Variants in CADPS2 observed in about 807,000 individuals in gnomAD.
CADPS2 encodes calcium dependent secretion activator 2.
A neutral mutation model predicts 172.5 loss-of-function variants in CADPS2; 93 were observed. That is an observed-to-expected ratio of 0.54 (90% CI 0.46 to 0.64). The LOEUF is 0.64. Among genes scored for constraint, CADPS2 ranks in the 30% least tolerant of loss-of-function variants. CADPS2 has a pLI of 0.00. For missense variants in CADPS2, 1,420 were observed against 1,565.9 expected (o/e 0.91, Z 1.57); for synonymous variants, 546 against 555.2 (o/e 0.98, Z 0.23).
intron 1 of CADPS2, among the ~76,000 whole-genome samples, chr7:122,815,317 G>T (rs17144945): frequency 0.2 from 30,177 of 151,988 alleles, 3,121 homozygotes; most frequent in Middle Eastern, 0.3. Context: ...CTTCTGGCAA[G>T]AAATGTGCCT....
At chr7:122,344,316 A>G (rs890704320) in intron 28 of CADPS2, among the ~76,000 whole-genome samples, 2 of 152,240 alleles carry the variant, frequency 1.3e-5, no homozygotes, top group Non-Finnish European at 2.9e-5. Context: ...AGGAATCTGT[A>G]TTGTGGTGAA....
At chr7:122,731,653 A>G (rs9969220) in intron 2 of CADPS2, among the ~76,000 whole-genome samples, 50,883 of 146,214 alleles carry the variant, frequency 0.35, 9,369 homozygotes, top group East Asian at 0.68. Flanking sequence ...GTGCTTAAAG[A>G]AAAAAAAAAG....
chr7:122,462,428 G>T (rs2054567129), intron 14 of CADPS2, among the ~76,000 whole-genome samples: 1 of 151,878 alleles, frequency 6.6e-6, no homozygotes, highest in Non-Finnish European at 1.5e-5. Flanking sequence ...CCAATAAAAA[G>T]TTTATAGAAC....
intron 25 of CADPS2, among the ~76,000 whole-genome samples, chr7:122,367,764 G>A (rs2041166189): frequency 8.7e-6 from 1 of 114,424 alleles, no homozygotes; most frequent in Non-Finnish European, 1.7e-5. Context: ...AGTTTATTAT[G>A]GTATAGTTCT....
intron 2 of CADPS2, among the ~76,000 whole-genome samples, chr7:122,683,740 AT>A (rs1232573974): frequency 1.2e-5 from 1 of 84,334 alleles, no homozygotes; most frequent in Non-Finnish European, 3.0e-5. Flanking sequence ...TATAATGTTA[AT>A]GAAGAAAAAA....
intron 13 of CADPS2, among the ~76,000 whole-genome samples, chr7:122,472,999 A>G (rs1367276025): frequency 1.3e-5 from 2 of 152,162 alleles, no homozygotes; most frequent in African/African-American, 4.8e-5. Flanking sequence ...CAAAAGTCCC[A>G]GACCTGGGAA....
chr7:122,697,190 T>C (rs554220409), intron 2 of CADPS2, among the ~76,000 whole-genome samples: 11 of 152,218 alleles, frequency 7.2e-5, no homozygotes, highest in South Asian at 2.1e-4. Flanking sequence ...AATTTCACTA[T>C]ACAGATGCAT....
At chr7:122,738,567 G>A (rs1036569668) in intron 1 of CADPS2, among the ~76,000 whole-genome samples, 1 of 152,022 alleles carries the variant, frequency 6.6e-6, no homozygotes, top group African/African-American at 2.4e-5. Context: ...ATCTACAGAG[G>A]GATGTGAAGC....
intron 7 of CADPS2, among the ~76,000 whole-genome samples, chr7:122,568,494 T>C (rs964269011): frequency 6.6e-6 from 1 of 152,056 alleles, no homozygotes; most frequent in Non-Finnish European, 1.5e-5. Context: ...AGCTATATAA[T>C]ATAATATTTA....
In CADPS2 at chr7:122,386,887, T is replaced by G. The variant is rs891577848; in HGVS notation, c.3312+139A>C. On this transcript the variant is annotated intron_variant, in intron 24 of 29. Coordinates refer to ENST00000449022, the MANE Select transcript of CADPS2 (RefSeq NM_017954.11). ...TGAGCAAAGGATAAAGGGCATTCTG[T>G]TATTATAGTAAAGATCAAACGTTTG... is the stretch of plus-strand genomic sequence containing the variant. 33 of 802,876 alleles carry G rather than the reference T, an allele frequency of 4.1e-5. No individual in the cohort carries two copies. The South Asian group carries it at 5.3e-4, about 13-fold the overall frequency. 49.7% of individuals were successfully genotyped at this position (802,876 alleles called of 1,614,324 possible). A position where few individuals can be genotyped will look rare whatever the true frequency, so the allele number is the denominator to read the frequency against.
intron 20 of CADPS2, among the ~76,000 whole-genome samples, chr7:122,401,228 G>A (rs1416310596): frequency 2.0e-5 from 3 of 151,954 alleles, no homozygotes; most frequent in Admixed American, 6.5e-5. Context: ...TTTATTATTC[G>A]TTTAGGCAGA....
At chr7:122,671,581 C>G (rs1588296014) in intron 2 of CADPS2, among the ~76,000 whole-genome samples, 1 of 152,070 alleles carries the variant, frequency 6.6e-6, no homozygotes, top group Admixed American at 6.6e-5. Flanking sequence ...AAAACTACTA[C>G]TACTACTAAA....
At chr7:122,348,671 A>G (rs2038057022) in intron 27 of CADPS2, among the ~76,000 whole-genome samples, 1 of 152,212 alleles carries the variant, frequency 6.6e-6, no homozygotes, top group Non-Finnish European at 1.5e-5. Flanking sequence ...ACATATGGGA[A>G]TTTCACACCT....
intron 8 of CADPS2, among the ~76,000 whole-genome samples, chr7:122,530,982 T>A (rs893798495): frequency 6.6e-6 from 1 of 152,046 alleles, no homozygotes; most frequent in Non-Finnish European, 1.5e-5. Flanking sequence ...GGGCGTAAGA[T>A]AGGAATCTTC....
intron 8 of CADPS2, among the ~76,000 whole-genome samples, chr7:122,548,011 A>C (rs1046069392): frequency 6.6e-6 from 1 of 152,114 alleles, no homozygotes; most frequent in African/African-American, 2.4e-5. Flanking sequence ...GTAACTACAA[A>C]ATAAAAGTCA....
chr7:122,671,175 T>C (rs937993189), intron 2 of CADPS2, among the ~76,000 whole-genome samples: 2 of 152,186 alleles, frequency 1.3e-5, no homozygotes, highest in Non-Finnish European at 2.9e-5. Flanking sequence ...ATTTAATTCT[T>C]ATCTCTTTTC....
rs1386791032 is a variant in CADPS2 at position 122,360,913 on chromosome 7, C to A, written c.3471+17G>T. On this transcript the variant is annotated intron_variant, in intron 26 of 29. Transcript: ENST00000449022. ...ACAGTTAAAAGACCACAGAAGAGAA[C>A]TCATTCAAATACTTACAGTGAATGA... 6.2e-7 allele frequency: 1 copy of A among 1,610,466 alleles called. No individual in the cohort carries two copies. The highest frequency in any genetic ancestry group is 2.2e-5 in the East Asian group (1 of 44,796).
At chr7:122,550,009 T>A (rs533988164) in intron 8 of CADPS2, among the ~76,000 whole-genome samples, 14 of 152,258 alleles carry the variant, frequency 9.2e-5, no homozygotes, top group Middle Eastern at 6.8e-3. Context: ...GAAACTTTAC[T>A]AGAGTGCAGT....
chr7:122,413,962 G>T (rs1339985049), intron 19 of CADPS2, 106 bp downstream of exon 19: 2 of 906,424 alleles, frequency 2.2e-6, no homozygotes, highest in Non-Finnish European at 3.4e-6. Context: ...TTCAAAGAAA[G>T]GACTAATTGG....
Sources: allele counts gnomAD v4.1 joint callset (sites outside exome capture counted in the v4.1 genomes callset), GRCh38; gene constraint gnomAD v4.1.1; transcripts MANE v1.5; gene names NCBI Gene and HGNC (gene_info 2026-07-23, HGNC 2026-07-21).